Variants in PDX1 observed in about 807,000 individuals in gnomAD.
PDX1 encodes pancreatic and duodenal homeobox 1.
Under a neutral mutation model 11.1 loss-of-function variants are expected in PDX1, and 7 were observed. The observed-to-expected ratio is 0.63, with a 90% CI of 0.36 to 1.19. The LOEUF is 1.19. Among genes scored for constraint, PDX1 ranks in the 50% most tolerant of loss-of-function variants. The pLI is 0.02. For missense variants in PDX1, 449 were observed against 412.1 expected, an observed-to-expected ratio of 1.09 and a Z score of -0.78; for synonymous variants, 232 against 196.2, an observed-to-expected ratio of 1.18 and a Z score of -1.53.
At position 27,920,097 on chromosome 13, in the gene PDX1, T is replaced by G; in HGVS notation, c.-42T>G. The G allele has an allele frequency of 6.5e-7, 1 of 1,547,538 alleles. No individual in the cohort carries two copies. Among genetic ancestry groups the G allele is most frequent in the Non-Finnish European group, 8.7e-7 (1 of 1,145,538 alleles). On this transcript the variant is annotated 5_prime_UTR_variant, in exon 1 of 2. Transcript: ENST00000381033. ...CCGGCTCCAGCTCCCGACTCCCGGCTCCCGGCTCCCGGCTCCCGGTGCCCA... is the reference window on the plus strand; with the variant it reads ...CCGGCTCCAGCTCCCGACTCCCGGCGCCCGGCTCCCGGCTCCCGGTGCCCA...
chr13:27,924,662 C>A lies in PDX1; in HGVS notation c.813C>A (p.Pro271=). The change falls in exon 2 of 2, where the codon CCC becomes CCA. Residue 271 remains proline, a synonymous_variant. Coordinates refer to ENST00000381033, the MANE Select transcript of PDX1 (RefSeq NM_000209.4). The surrounding 1 kb of genome is among the most constrained non-coding windows in gnomAD (Gnocchi z 4.8). The part of the protein sequence containing the change: ...LPPGLSASPQ[P]SSVAPRRPQE... ...CTGGCCTTAGCGCGTCGCCACAGCC[C>A]TCCAGCGTCGCGCCTCGGCGGCCGC... 1 of 1,473,922 alleles carries A rather than the reference C, an allele frequency of 6.8e-7. No homozygotes were observed. The highest frequency in any genetic ancestry group is 8.9e-7 in the Non-Finnish European group (1 of 1,118,080). The allele number at this position is 1,473,922 out of a possible 1,614,324, so 91.3% of individuals were successfully genotyped here.
chr13:27,920,619 C>T lies in PDX1; in HGVS notation c.406+75C>T, dbSNP rs544041273. Reference sequence around the variant, plus strand: ...CCTTACCTCCAAGCGCTCCCAGGAGCCTTCTCTCTGTTCCCGGCGCCTTGG... The same window carrying T: ...CCTTACCTCCAAGCGCTCCCAGGAGTCTTCTCTCTGTTCCCGGCGCCTTGG... On this transcript the variant is annotated intron_variant, in intron 1 of 1. Transcript: ENST00000381033. 3,066 of 1,494,926 alleles carry T rather than the reference C, an allele frequency of 2.1e-3. 10 individuals carry two copies. Among genetic ancestry groups the T allele is most frequent in the South Asian group, 3.6e-3 (316 of 87,284 alleles). 92.6% of individuals were successfully genotyped at this position (1,494,926 alleles called of 1,614,324 possible). A position where few individuals can be genotyped will look rare whatever the true frequency, so the allele number is the denominator to read the frequency against.
intron 1 of PDX1, among the ~76,000 whole-genome samples, chr13:27,922,504 C>G (rs1470396378): frequency 6.6e-6 from 1 of 152,154 alleles, no homozygotes; most frequent in Admixed American, 6.5e-5. Context: ...ACTGGCAGTA[C>G]GAATCTGAAT....
chr13:27,924,259 G>T lies in PDX1; in HGVS notation c.410G>T (p.Gly137Val). The T allele has an allele frequency of 6.3e-7, 1 of 1,598,064 alleles. No individual in the cohort carries two copies. The highest frequency in any genetic ancestry group is 8.5e-7 in the Non-Finnish European group (1 of 1,172,252). ...TCACGCCCTGTGTCGCCCGCAGGCG[G>T]CGCCTACGCTGCGGAGCCGGAGGAG... Reference protein sequence around the residue: ...AHAWKGQWAGGAYAAEPEENK... With the variant: ...AHAWKGQWAGVAYAAEPEENK... Residue 137 changes from glycine to valine, a missense_variant, in exon 2 of 2, where the codon GGC (glycine) becomes GTC (valine). Gly to Val is a moderately radical substitution (Grantham distance 109). Transcript: ENST00000381033. This position sits in a 1 kb window ranked among gnomAD's most constrained non-coding sequence, Gnocchi z 4.8.
intron 1 of PDX1, among the ~76,000 whole-genome samples, chr13:27,922,689 G>T (rs1282139422): frequency 6.6e-6 from 1 of 152,068 alleles, no homozygotes; most frequent in Admixed American, 6.5e-5. Context: ...CTGAGCACAG[G>T]TCCCCCGGGA....
At position 27,920,400 on chromosome 13, in the gene PDX1, G is replaced by A. The variant is rs925558250; in HGVS notation, c.262G>A (p.Ala88Thr). 2 of 1,553,136 alleles carry A rather than the reference G, an allele frequency of 1.3e-6. No individual in the cohort carries two copies. Among genetic ancestry groups the A allele is most frequent in the African/African-American group, 1.4e-5 (1 of 73,472 alleles). The change falls in exon 1 of 2, where the codon GCT becomes ACT. Residue 88 changes from alanine (A) to threonine (T), a missense_variant. By Grantham distance (58) the Ala-to-Thr change is moderately conservative (BLOSUM62 0). This residue lies in a region of PDX1 where 263 missense variants were observed against 212.5 expected (regional missense o/e 1.24). Transcript: ENST00000381033. ...GGCGCACCTTCACCACCACCTCCCG[G>A]CTCAGCTCGCGCTCCCCCACCCGCC... ...AVAHLHHHLPAQLALPHPPAG... is the reference protein window; with the variant it reads ...AVAHLHHHLPTQLALPHPPAG...
Position 27,920,436 on chromosome 13 carries a change from T to G in PDX1, c.298T>G (p.Phe100Val). The G allele has an allele frequency of 6.3e-7, 1 of 1,582,226 alleles. No homozygotes were observed. ...GCTCCCCCACCCGCCCGCCGGGCCCTTCCCGGAGGGAGCCGAGCCGGGCGT... is the reference window on the plus strand; with the variant it reads ...GCTCCCCCACCCGCCCGCCGGGCCCGTCCCGGAGGGAGCCGAGCCGGGCGT... ...LALPHPPAGP[F>V]PEGAEPGVLE... Residue 100 changes from phenylalanine to valine, a missense_variant, in exon 1 of 2, where the codon TTC (phenylalanine) becomes GTC (valine). Coordinates refer to ENST00000381033, the MANE Select transcript of PDX1 (RefSeq NM_000209.4).
Position 27,920,398 on chromosome 13 carries a change from C to A in PDX1, c.260C>A (p.Pro87Gln). 6.4e-7 allele frequency: 1 copy of A among 1,552,396 alleles called. No homozygotes were observed. Residue 87 changes from proline to glutamine, a missense_variant, in exon 1 of 2, where the codon CCG becomes CAG. By Grantham distance (76) the Pro-to-Gln change is moderately conservative. Transcript: ENST00000381033. ...GTGGCGCACCTTCACCACCACCTCC[C>A]GGCTCAGCTCGCGCTCCCCCACCCG... Reference protein sequence around the residue: ...PAVAHLHHHLPAQLALPHPPA... With the variant: ...PAVAHLHHHLQAQLALPHPPA...
chr13:27,926,255 T>C lies in PDX1; in HGVS notation c.*1554T>C, dbSNP rs1310443053. On this transcript the variant is annotated 3_prime_UTR_variant, in exon 2 of 2. Transcript: ENST00000381033. ...GATTCTCCTCACTTTGTTTCAAACC[T>C]TTCTGGCAGTGGGATGATTCGAATT... 1 of 152,216 alleles carries C rather than the reference T, an allele frequency of 6.6e-6. No individual in the cohort carries two copies. Among genetic ancestry groups the C allele is most frequent in the Non-Finnish European group, 1.5e-5 (1 of 68,030 alleles). The allele number at this position is 152,216 out of a possible 1,614,324, so 9.4% of individuals were successfully genotyped here. A position where few individuals can be genotyped will look rare whatever the true frequency, so the allele number is the denominator to read the frequency against.
rs892322969 is a variant in PDX1, at chr13:27,925,701, T to G, written c.*1000T>G. The G allele has an allele frequency of 3.8e-5, 6 of 159,898 alleles. No homozygotes were observed. Among genetic ancestry groups the G allele is most frequent in the African/African-American group, 1.4e-4 (6 of 41,510 alleles). 9.9% of individuals were successfully genotyped at this position (159,898 alleles called of 1,614,324 possible). A position where few individuals can be genotyped will look rare whatever the true frequency, so the allele number is the denominator to read the frequency against. On this transcript the variant is annotated 3_prime_UTR_variant, in exon 2 of 2. Coordinates refer to ENST00000381033, the MANE Select transcript of PDX1 (RefSeq NM_000209.4). ...ACTTCACTACTGCACATCTTATAACTTGCACCCCTTTCTTCTGAGGAAGAG... is the reference window on the plus strand; with the variant it reads ...ACTTCACTACTGCACATCTTATAACGTGCACCCCTTTCTTCTGAGGAAGAG...
chr13:27,920,100 C>A lies in PDX1; in HGVS notation c.-39C>A, dbSNP rs977032589. ...GCTCCAGCTCCCGACTCCCGGCTCC[C>A]GGCTCCCGGCTCCCGGTGCCCAATC... On this transcript the variant is annotated 5_prime_UTR_variant, in exon 1 of 2. Coordinates refer to ENST00000381033, the MANE Select transcript of PDX1 (RefSeq NM_000209.4). 5.8e-6 allele frequency: 9 copies of A among 1,547,832 alleles called. No individual in the cohort carries two copies. Among genetic ancestry groups the A allele is most frequent in the Non-Finnish European group, 7.9e-6 (9 of 1,145,616 alleles).
rs780653054 is a variant in PDX1, at chr13:27,920,437, TC to T, written c.302del (p.Pro101ArgfsTer22). ...LALPHPPAGPFPEGAEPGVLE... is the reference protein window; with the variant it reads ...LALPHPPAGPXPEGAEPGVLE... ...CTCCCCCACCCGCCCGCCGGGCCCT[TC>T]CCGGAGGGAGCCGAGCCGGGCGTCC... On this transcript the variant is annotated frameshift_variant, in exon 1 of 2. Transcript: ENST00000381033. LOFTEE classifies it high-confidence loss of function. 1 of 1,582,780 alleles carries T rather than the reference TC, an allele frequency of 6.3e-7. No individual in the cohort carries two copies. Among genetic ancestry groups the T allele is most frequent in the East Asian group, 2.3e-5 (1 of 43,574 alleles).
chr13:27,920,598 AC>A, intron 1 of PDX1, 54 bp downstream of exon 1: 1 of 1,579,224 alleles, frequency 6.3e-7, no homozygotes, highest in Non-Finnish European at 8.7e-7. Flanking sequence ...CGGCCGCCTT[AC>A]CTCCAAGCGC....
Position 27,924,118 on chromosome 13 carries a change from G to A in PDX1, c.407-138G>A, listed in dbSNP as rs1801251075. 2.9e-6 allele frequency: 2 copies of A among 684,078 alleles called. No homozygotes were observed. Among genetic ancestry groups the A allele is most frequent in the Admixed American group, 3.0e-5 (1 of 32,828 alleles). 42.4% of individuals were successfully genotyped at this position (684,078 alleles called of 1,614,324 possible). On this transcript the variant is annotated intron_variant, in intron 1 of 1. Coordinates refer to ENST00000381033, the MANE Select transcript of PDX1 (RefSeq NM_000209.4). The surrounding 1 kb of genome is among the most constrained non-coding windows in gnomAD (Gnocchi z 4.8). ...GCGCCTACACTAGGCGCTGAAATGG[G>A]ATGCTGGGGCTTGGTGGCTCCGGCG...
In PDX1 at chr13:27,920,165, G is replaced by C; in HGVS notation, c.27G>C (p.Ala9=). 6.5e-7 allele frequency: 1 copy of C among 1,549,940 alleles called. No individual in the cohort carries two copies. The highest frequency in any genetic ancestry group is 8.7e-7 in the Non-Finnish European group (1 of 1,146,704). Residue 9 remains alanine (A), a synonymous_variant, in exon 1 of 2, where the codon GCG becomes GCC. Coordinates refer to ENST00000381033, the MANE Select transcript of PDX1 (RefSeq NM_000209.4). ...TGAACGGCGAGGAGCAGTACTACGC[G>C]GCCACGCAGCTTTACAAGGACCCAT... MNGEEQYY[A]ATQLYKDPCA... is the part of the protein sequence containing the mutation.
At chr13:27,922,638 C>A (rs575977335) in intron 1 of PDX1, among the ~76,000 whole-genome samples, 1 of 152,282 alleles carries the variant, frequency 6.6e-6, no homozygotes, top group African/African-American at 2.4e-5. Context: ...CGACCTTGAC[C>A]TTTTCCCACC....
intron 1 of PDX1, among the ~76,000 whole-genome samples, chr13:27,922,283 G>A (rs1318100265): frequency 6.6e-6 from 1 of 152,176 alleles, no homozygotes; most frequent in Non-Finnish European, 1.5e-5. Context: ...TCTCGGGCTG[G>A]AGTTGGCCCC....
chr13:27,921,334 G>A (rs1957785302), intron 1 of PDX1, among the ~76,000 whole-genome samples: 2 of 152,236 alleles, frequency 1.3e-5, no homozygotes, highest in African/African-American at 4.8e-5. Flanking sequence ...TGGTGGGGAG[G>A]CGAGAGGCCT....
chr13:27,921,666 C>T (rs915749891), intron 1 of PDX1, among the ~76,000 whole-genome samples: 14 of 152,208 alleles, frequency 9.2e-5, no homozygotes, highest in Non-Finnish European at 1.5e-5. Context: ...CTGACACTGA[C>T]CCCAGGCGCA....
Sources: allele counts gnomAD v4.1 joint callset (sites outside exome capture counted in the v4.1 genomes callset), GRCh38; gene constraint gnomAD v4.1.1; regional missense constraint gnomAD v4.1.1; non-coding constraint Gnocchi (gnomAD v3.1); transcripts MANE v1.5; gene names NCBI Gene and HGNC (gene_info 2026-07-23, HGNC 2026-07-21).